MCFD2: variants seen among roughly 807,000 people sequenced by gnomAD.
The protein encoded by MCFD2 is multiple coagulation factor deficiency 2, ER cargo receptor complex subunit, also known as multiple coagulation factor deficiency protein 2.
Under a neutral mutation model 12.8 loss-of-function variants are expected in MCFD2, and 11 were observed. That is an observed-to-expected ratio of 0.86 (90% CI 0.54 to 1.42). MCFD2 has a LOEUF of 1.42. MCFD2 is among the 40% of genes most tolerant of loss of function. The pLI is 0.00. For missense variants in MCFD2, 191 were observed against 178.6 expected, an observed-to-expected ratio of 1.07 and a Z score of -0.40; for synonymous variants, 70 against 68.1, an observed-to-expected ratio of 1.03 and a Z score of -0.14.
chr2:46,940,012 C>A lies in MCFD2; in HGVS notation c.-8+1560G>T, dbSNP rs964605714. 5.3e-5 allele frequency among the ~76,000 whole-genome samples: 8 copies of A among 152,182 alleles called. No homozygotes were observed. Among genetic ancestry groups the A allele is most frequent in the African/African-American group, 1.9e-4 (8 of 41,454 alleles). ...CCTGCCCACCAAACAAGGACTGGAG[C>A]TGCATTTAGAACCCGGAGAGGAGGG... On this transcript the variant is annotated intron_variant, in intron 1 of 2. Transcript: ENST00000409147. This position sits in a 1 kb window ranked among gnomAD's most constrained non-coding sequence, Gnocchi z 4.7.
At chr2:46,923,610 G>A (rs182770092) in intron 1 of MCFD2, among the ~76,000 whole-genome samples, 1 of 152,252 alleles carries the variant, frequency 6.6e-6, no homozygotes, top group East Asian at 1.9e-4. Context: ...ACTCAGAATT[G>A]ACCAGGTGTG....
At position 46,941,507 on chromosome 2, in the gene MCFD2, T is replaced by C. The variant is rs747719385; in HGVS notation, c.-8+65A>G. The C allele has an allele frequency of 1.8e-5, 28 of 1,546,002 alleles. No individual in the cohort carries two copies. Among genetic ancestry groups the C allele is most frequent in the Middle Eastern group, 3.5e-4 (2 of 5,636 alleles). ...CCGCCCCCGGCCGGGTCTCCACTTCTTGGCCGCACCTTCCATGACAGCGCC... is the reference window on the plus strand; with the variant it reads ...CCGCCCCCGGCCGGGTCTCCACTTCCTGGCCGCACCTTCCATGACAGCGCC... On this transcript the variant is annotated intron_variant, in intron 1 of 2. Coordinates refer to the MCFD2 transcript ENST00000409147. This position sits in a 1 kb window ranked among gnomAD's most constrained non-coding sequence, Gnocchi z 4.2.
rs1263994263 is a variant in MCFD2, at chr2:46,905,169, C to T, written c.*294G>A. 9 of 390,246 alleles carry T rather than the reference C, an allele frequency of 2.3e-5. No homozygotes were observed. The East Asian group carries it at 4.2e-4, about 18-fold the overall frequency. 24.2% of individuals were successfully genotyped at this position (390,246 alleles called of 1,614,324 possible). A position where few individuals can be genotyped will look rare whatever the true frequency, so the allele number is the denominator to read the frequency against. Reference sequence around the variant, plus strand: ...TGTAAGTCCAAGTAAACCTCTTTTTCTTCCCAGTCTCGGGTACGTCTTTAT... The same window carrying T: ...TGTAAGTCCAAGTAAACCTCTTTTTTTTCCCAGTCTCGGGTACGTCTTTAT... On this transcript the variant is annotated 3_prime_UTR_variant, in exon 4 of 4. Coordinates refer to ENST00000319466, the MANE Select transcript of MCFD2 (RefSeq NM_139279.6).
rs1668722805 is a variant in MCFD2 at position 46,915,720 on chromosome 2, CA to C, written c.-7+2del. ...GCTGCGGAGAGTGCGCTAGTTCACT[CA>C]CCCTTACGGTCTCCGAAGCAGACGC... is the stretch of plus-strand genomic sequence containing the variant. On this transcript the variant is annotated splice_donor_variant, in intron 1 of 3. Coordinates refer to ENST00000319466, the MANE Select transcript of MCFD2 (RefSeq NM_139279.6). LOFTEE classifies it low-confidence loss of function (5UTR_SPLICE). The C allele has an allele frequency of 1.6e-5, 16 of 971,122 alleles. No homozygotes were observed. The highest frequency in any genetic ancestry group is 6.2e-5 in the Admixed American group (1 of 16,248). 60.2% of individuals were successfully genotyped at this position (971,122 alleles called of 1,614,324 possible).
At position 46,940,269 on chromosome 2, in the gene MCFD2, T is replaced by G. The variant is rs1365256238; in HGVS notation, c.-8+1303A>C. Among the ~76,000 whole-genome samples the G allele has an allele frequency of 6.6e-6, 1 of 152,190 alleles. No individual in the cohort carries two copies. Among genetic ancestry groups the G allele is most frequent in the Non-Finnish European group, 1.5e-5 (1 of 68,032 alleles). On this transcript the variant is annotated intron_variant, in intron 1 of 2. Coordinates refer to the MCFD2 transcript ENST00000409147. The surrounding 1 kb of genome is among the most constrained non-coding windows in gnomAD (Gnocchi z 4.7). Reference sequence around the variant, plus strand: ...AACTCTTAGGAGTCTGCTCAAAAGTTTGCCCTGACCCTGCTGTCTTTTGAG... The same window carrying G: ...AACTCTTAGGAGTCTGCTCAAAAGTGTGCCCTGACCCTGCTGTCTTTTGAG...
At chr2:46,927,425 C>T (rs1174570069) in intron 1 of MCFD2, among the ~76,000 whole-genome samples, 2 of 146,424 alleles carry the variant, frequency 1.4e-5, no homozygotes, top group South Asian at 2.1e-4. Flanking sequence ...GGCGTGATCT[C>T]GGCTCACTGC....
At chr2:46,917,867 TG>T (rs1668897133), upstream of MCFD2, among the ~76,000 whole-genome samples, 4 of 152,372 alleles carry the variant, frequency 2.6e-5, no homozygotes, top group African/African-American at 9.6e-5. Context: ...CCACACACTC[TG>T]GGTCCTTCTG....
intron 1 of MCFD2, among the ~76,000 whole-genome samples, chr2:46,913,414 A>G (rs918302008): frequency 2.2e-4 from 33 of 152,152 alleles, no homozygotes; most frequent in African/African-American, 7.7e-4. Context: ...GAGAGGAAGA[A>G]AGGAAAGAAG....
At chr2:46,938,181 A>G (rs1282840084) in intron 1 of MCFD2, among the ~76,000 whole-genome samples, 2 of 152,210 alleles carry the variant, frequency 1.3e-5, no homozygotes, top group Non-Finnish European at 2.9e-5. Context: ...AAAGAAAAAG[A>G]AAAAAGCAAA....
Position 46,937,302 on chromosome 2 carries a change from C to T in MCFD2, c.-8+4270G>A, listed in dbSNP as rs1670028156. On this transcript the variant is annotated intron_variant, in intron 1 of 2. Coordinates refer to the MCFD2 transcript ENST00000409147. The surrounding 1 kb of genome is among the most constrained non-coding windows in gnomAD (Gnocchi z 4.0). ...CCCTACCCTATGCTCCTCCATCTCCCTCTGCCCTTTTCTCTCCCTCAGATC... is the reference window on the plus strand; with the variant it reads ...CCCTACCCTATGCTCCTCCATCTCCTTCTGCCCTTTTCTCTCCCTCAGATC... 6.6e-6 allele frequency among the ~76,000 whole-genome samples: 1 copy of T among 152,172 alleles called. No individual in the cohort carries two copies. Among genetic ancestry groups the T allele is most frequent in the Admixed American group, 6.5e-5 (1 of 15,274 alleles).
In MCFD2 at chr2:46,903,711, A is replaced by G. The variant is rs6544935; in HGVS notation, c.*1752T>C. 0.73 allele frequency: 110,371 copies of G among 152,152 alleles called. 41,424 individuals carry two copies. The highest frequency in any genetic ancestry group is 0.9 in the African/African-American group (37,545 of 41,514). The allele number at this position is 152,152 out of a possible 1,614,324, so 9.4% of individuals were successfully genotyped here. A position where few individuals can be genotyped will look rare whatever the true frequency, so the allele number is the denominator to read the frequency against. On this transcript the variant is annotated 3_prime_UTR_variant, in exon 4 of 4. Coordinates refer to ENST00000319466, the MANE Select transcript of MCFD2 (RefSeq NM_139279.6). The stretch of plus-strand genomic sequence containing the variant: ...TTGAGAGAGATGATTTAGGTTAACT[A>G]GCGGAAGAAATTTCTAAGCAGCAAA...
At chr2:46,939,866 A>C (rs575563170) in intron 1 of MCFD2, among the ~76,000 whole-genome samples, 1 of 152,324 alleles carries the variant, frequency 6.6e-6, no homozygotes, top group Non-Finnish European at 1.5e-5. Context: ...AGACTGCTTG[A>C]CTAAACTGTC....
rs560992960 is a variant in MCFD2, at chr2:46,923,884, C to G, written c.-7-15915G>C. Among the ~76,000 whole-genome samples, 12 of 152,210 alleles carry G rather than the reference C, an allele frequency of 7.9e-5. No homozygotes were observed. In the South Asian group the frequency reaches 2.3e-3, roughly 29 times the overall value. On this transcript the variant is annotated intron_variant, in intron 1 of 2. Coordinates refer to the MCFD2 transcript ENST00000409147. ...AGTAGCTGGGATTACAGGCGCCTGC[C>G]ACCACGCCCAGCTAATTTTCTTTGT...
At chr2:46,912,249 G>T (rs1263065711) in intron 1 of MCFD2, among the ~76,000 whole-genome samples, 1 of 152,242 alleles carries the variant, frequency 6.6e-6, no homozygotes, top group Non-Finnish European at 1.5e-5. Context: ...TGAGGCACAA[G>T]AATTGCTTGA....
chr2:46,917,277 G>A (rs1368617587), upstream of MCFD2: 1 of 676,652 alleles, frequency 1.5e-6, no homozygotes, highest in Non-Finnish European at 2.7e-6. Context: ...GGATTACAGG[G>A]GTGAGCCACC....
chr2:46,911,050 G>A (rs1442517484), intron 1 of MCFD2, among the ~76,000 whole-genome samples: 2 of 152,164 alleles, frequency 1.3e-5, no homozygotes, highest in African/African-American at 4.8e-5. Context: ...GAAACTTCCA[G>A]GGTGCTAAAA....
At chr2:46,906,522 G>A (rs1191738874) in intron 3 of MCFD2, among the ~76,000 whole-genome samples, 1 of 116,214 alleles carries the variant, frequency 8.6e-6, no homozygotes, top group African/African-American at 3.4e-5. Flanking sequence ...GTCTGACTCT[G>A]TCACCCAGGC....
chr2:46,919,313 C>A (rs1668978711), upstream of MCFD2, among the ~76,000 whole-genome samples: 1 of 152,136 alleles, frequency 6.6e-6, no homozygotes, highest in Non-Finnish European at 1.5e-5. Flanking sequence ...GGCGGCAAAT[C>A]ACCTCAGGTC....
At position 46,907,719 on chromosome 2, in the gene MCFD2, T is replaced by A; in HGVS notation, c.309+91A>T. The A allele has an allele frequency of 7.2e-7, 1 of 1,392,300 alleles. No individual in the cohort carries two copies. Among genetic ancestry groups the A allele is most frequent in the Non-Finnish European group, 1.0e-6 (1 of 986,914 alleles). 86.2% of individuals were successfully genotyped at this position (1,392,300 alleles called of 1,614,324 possible). A position where few individuals can be genotyped will look rare whatever the true frequency, so the allele number is the denominator to read the frequency against. The stretch of plus-strand genomic sequence containing the variant: ...GTGGAGAAGCAGCACTCTTGGCACA[T>A]AAGGACAACACAAGTCAACAAGACT... On this transcript the variant is annotated intron_variant, in intron 3 of 3. Transcript: ENST00000319466. The surrounding 1 kb of genome is among the most constrained non-coding windows in gnomAD (Gnocchi z 4.1).
Sources: gnomAD v4.1 joint callset for allele counts (sites outside exome capture counted in the v4.1 genomes callset) on GRCh38, gnomAD v4.1.1 for gene constraint, Gnocchi (gnomAD v3.1) non-coding constraint, MANE v1.5 for transcripts, NCBI Gene and HGNC (gene_info 2026-07-23, HGNC 2026-07-21) for gene names.